Variants in GLYATL1 observed in about 807,000 individuals in gnomAD.
GLYATL1 encodes glycine N-acyltransferase-like protein 1.
Under a neutral mutation model 20.0 loss-of-function variants are expected in GLYATL1, and 15 were observed. That is an observed-to-expected ratio of 0.75 (90% confidence interval 0.50 to 1.15). The LOEUF (loss-of-function observed/expected upper bound fraction) is 1.15. Ranked by LOEUF, GLYATL1 falls within the 50% of genes most tolerant of loss-of-function variation. GLYATL1 has a pLI of 0.00. For missense variants in GLYATL1, 380 were observed against 368.5 expected (o/e 1.03, Z -0.26); for synonymous variants, 151 against 131.5 (o/e 1.15, Z -1.01).
chr11:58,936,312 C>A (rs1283599623), upstream of GLYATL1, among the ~76,000 whole-genome samples: 1 of 152,212 alleles, frequency 6.6e-6, no homozygotes, highest in Non-Finnish European at 1.5e-5. Flanking sequence ...AAAGTGGAAA[C>A]CAGCATCTTA....
chr11:58,952,488 C>T (rs560658452), intron 4 of GLYATL1, among the ~76,000 whole-genome samples: 56 of 152,208 alleles, frequency 3.7e-4, no homozygotes, highest in Non-Finnish European at 6.6e-4. Context: ...CTATTAAAAT[C>T]ATGTGTTTGT....
At chr11:58,943,084 T>C (rs1243914680) in intron 1 of GLYATL1, among the ~76,000 whole-genome samples, 1 of 152,132 alleles carries the variant, frequency 6.6e-6, no homozygotes, top group Non-Finnish European at 1.5e-5. Context: ...GTATAGACAA[T>C]CCTTTCAATA....
upstream of GLYATL1, among the ~76,000 whole-genome samples, chr11:58,938,364 A>G (rs1855930904): frequency 6.6e-6 from 1 of 152,204 alleles, no homozygotes; most frequent in Non-Finnish European, 1.5e-5. Flanking sequence ...ATGGAAGAAC[A>G]TTCAGGGGTA....
At chr11:58,925,848 AC>A (rs1298619341), upstream of GLYATL1, among the ~76,000 whole-genome samples, 1 of 151,974 alleles carries the variant, frequency 6.6e-6, no homozygotes, top group Non-Finnish European at 1.5e-5. Flanking sequence ...CTATTGCTTG[AC>A]CTTTGGAGTT....
At chr11:58,905,625 A>C (rs754145808) in exon 1 of GLYATL1, 17 of 456,266 alleles carry the variant, frequency 3.7e-5, no homozygotes, top group South Asian at 9.3e-5. Flanking sequence ...GCCGATGAGC[A>C]GGAAGAAGCA....
chr11:58,914,430 C>T (rs1051463283), intron 1 of GLYATL1, among the ~76,000 whole-genome samples: 1 of 152,128 alleles, frequency 6.6e-6, no homozygotes, highest in Admixed American at 6.5e-5. Context: ...GATGGCTCCC[C>T]AAAGACAGGT....
In GLYATL1 at chr11:58,943,579, G is replaced by C; in HGVS notation, c.-130G>C. On this transcript the variant is annotated 5_prime_UTR_variant, in exon 2 of 7. Coordinates refer to ENST00000532726, the MANE Select transcript of GLYATL1 (RefSeq NM_001389712.2). Reference sequence around the variant, plus strand: ...AGAAGGATCTGAAGTGGAGCTTCTAGTATCCCCAGGAGCGCGAAGTGAACA... The same window carrying C: ...AGAAGGATCTGAAGTGGAGCTTCTACTATCCCCAGGAGCGCGAAGTGAACA... The C allele has an allele frequency of 6.2e-6, 10 of 1,613,564 alleles. 1 individual carries two copies. In the South Asian group the frequency reaches 6.6e-5, roughly 11 times the overall value.
intron 2 of GLYATL1, 123 bp downstream of exon 2, chr11:58,943,789 G>A: frequency 1.4e-6 from 2 of 1,387,424 alleles, no homozygotes; most frequent in Non-Finnish European, 1.9e-6. Context: ...CTGGGTCTAG[G>A]AACAGATTTG....
intron 1 of GLYATL1, among the ~76,000 whole-genome samples, chr11:58,941,596 G>A (rs1856160710): frequency 6.6e-6 from 1 of 152,162 alleles, no homozygotes; most frequent in African/African-American, 2.4e-5. Context: ...TTAATAGGAT[G>A]GCCAAAGGAG....
intron 1 of GLYATL1, among the ~76,000 whole-genome samples, chr11:58,906,712 T>C (rs1854896387): frequency 6.6e-6 from 1 of 152,210 alleles, no homozygotes; most frequent in South Asian, 2.1e-4. Flanking sequence ...CTCTTTCCCA[T>C]CTTGTAGCAC....
chr11:58,907,359 G>A (rs1854923081), exon 2 of GLYATL1: 1 of 456,106 alleles, frequency 2.2e-6, no homozygotes. Flanking sequence ...ACACTGGCCT[G>A]GAATCCCTCA....
In GLYATL1 at chr11:58,955,631, T is replaced by G. The variant is rs1193929834; in HGVS notation, c.513T>G (p.Tyr171Ter). Reference sequence around the variant, plus strand: ...ACAGTGAAACTCCCAACTTTAAGTATGCCCAGCTGGATGTCTCTTATTCTG... The same window carrying G: ...ACAGTGAAACTCCCAACTTTAAGTAGGCCCAGCTGGATGTCTCTTATTCTG... ...EFESETPNFK[Y>*]AQLDVSYSGL... The change falls in exon 7 of 7, where the codon TAT (tyrosine) becomes TAG (stop). Residue 171 changes from tyrosine to a stop codon, truncating the protein, a stop_gained. Coordinates refer to ENST00000532726, the MANE Select transcript of GLYATL1 (RefSeq NM_001389712.2). LOFTEE classifies it low-confidence loss of function (END_TRUNC). 6.2e-7 allele frequency: 1 copy of G among 1,613,970 alleles called. No homozygotes were observed. The highest frequency in any genetic ancestry group is 8.5e-7 in the Non-Finnish European group (1 of 1,179,864).
upstream of GLYATL1, among the ~76,000 whole-genome samples, chr11:58,924,703 T>C (rs943042463): frequency 4.6e-5 from 7 of 152,190 alleles, no homozygotes; most frequent in Admixed American, 3.9e-4. Flanking sequence ...TACAAGACAA[T>C]TATGAGTACA....
intron 4 of GLYATL1, among the ~76,000 whole-genome samples, chr11:58,952,688 A>G (rs1034093154): frequency 1.3e-5 from 2 of 152,190 alleles, no homozygotes; most frequent in Admixed American, 6.5e-5. Context: ...CCCAATAGGT[A>G]GTTTTCTAAC....
At chr11:58,914,283 T>G (rs1377689352) in intron 1 of GLYATL1, among the ~76,000 whole-genome samples, 3 of 152,210 alleles carry the variant, frequency 2.0e-5, no homozygotes, top group African/African-American at 7.2e-5. Flanking sequence ...TTTCTGTTTC[T>G]TGTGTTACCA....
chr11:58,912,231 T>TG (rs1389866764), downstream of GLYATL1, among the ~76,000 whole-genome samples: 1 of 152,138 alleles, frequency 6.6e-6, no homozygotes, highest in Non-Finnish European at 1.5e-5. Flanking sequence ...CAATGTGACT[T>TG]GTGCATTACT....
At chr11:58,943,699 C>T (rs895007344) in intron 2 of GLYATL1, 33 bp downstream of exon 2, 12 of 1,607,978 alleles carry the variant, frequency 7.5e-6, no homozygotes, top group African/African-American at 5.4e-5. Context: ...GAGCTTCACA[C>T]GTTGGTGTTT....
chr11:58,935,040 G>C (rs1565124263), upstream of GLYATL1: 1 of 153,244 alleles, frequency 6.5e-6, no homozygotes, highest in Non-Finnish European at 1.5e-5. Context: ...AGCTAGCCTG[G>C]TCCTGGGGCT....
At chr11:58,909,359 T>G (rs1854984789), downstream of GLYATL1, among the ~76,000 whole-genome samples, 1 of 152,148 alleles carries the variant, frequency 6.6e-6, no homozygotes, top group Non-Finnish European at 1.5e-5. Flanking sequence ...CTTAAATTAT[T>G]GCTAAAATGA....
Sources: gnomAD v4.1 joint callset for allele counts (sites outside exome capture counted in the v4.1 genomes callset) on GRCh38, gnomAD v4.1.1 for gene constraint, MANE v1.5 for transcripts, NCBI Gene and HGNC (gene_info 2026-07-23, HGNC 2026-07-21) for gene names.